FBXO25: variants seen among roughly 807,000 people sequenced by gnomAD.
FBXO25 encodes F-box only protein 25.
A neutral mutation model predicts 51.9 loss-of-function variants in FBXO25; 45 were observed. The ratio of observed to expected loss-of-function variants is 0.87; its 90% CI spans 0.68 to 1.11. FBXO25 has a LOEUF of 1.11. Among genes scored for constraint, FBXO25 ranks in the 50% most tolerant of loss-of-function variants. The probability of loss-of-function intolerance (pLI) is 0.00; values close to 1 mark genes in which losing one functional copy is unlikely to be tolerated. For missense variants in FBXO25, 507 were observed against 428.5 expected (o/e 1.18, Z -1.62); for synonymous variants, 199 against 151.0 (o/e 1.32, Z -2.33).
chr8:448,804 C>T (rs1356473716), intron 5 of FBXO25, among the ~76,000 whole-genome samples: 2 of 152,106 alleles, frequency 1.3e-5, no homozygotes, highest in Non-Finnish European at 2.9e-5. Context: ...GAAGAAGGAG[C>T]AAGATGAATG....
intron 4 of FBXO25, among the ~76,000 whole-genome samples, chr8:434,812 G>A (rs1798006629): frequency 6.6e-6 from 1 of 152,114 alleles, no homozygotes; most frequent in Non-Finnish European, 1.5e-5. Flanking sequence ...ATAGGATAAG[G>A]GTATATCATG....
chr8:448,682 C>T (rs574870906), intron 5 of FBXO25, among the ~76,000 whole-genome samples: 29 of 152,276 alleles, frequency 1.9e-4, no homozygotes, highest in African/African-American at 7.0e-4. Context: ...GAGTGGAGGG[C>T]AGAGGAGAAA....
intron 2 of FBXO25, among the ~76,000 whole-genome samples, chr8:422,920 G>A (rs1240038209): frequency 1.3e-5 from 2 of 152,118 alleles, no homozygotes; most frequent in African/African-American, 4.8e-5. Flanking sequence ...TCCCTGAACT[G>A]TACTTAAAAG....
rs1376001899 is a variant in FBXO25, at chr8:476,921, A to T, written c.*8117A>T. 1 of 152,060 alleles carries T rather than the reference A, an allele frequency of 6.6e-6. No homozygotes were observed. The highest frequency in any genetic ancestry group is 6.5e-5 in the Admixed American group (1 of 15,284). 9.4% of individuals were successfully genotyped at this position (152,060 alleles called of 1,614,324 possible). ...TTGACTTGAGATCTTAATTTGTTTA[A>T]TAGGTGTATTTACAGTTACAAATTT... On this transcript the variant is annotated 3_prime_UTR_variant, in exon 10 of 10. Transcript: ENST00000350302.
chr8:426,811 C>A (rs1797515195), intron 2 of FBXO25, among the ~76,000 whole-genome samples: 1 of 152,114 alleles, frequency 6.6e-6, no homozygotes, highest in African/African-American at 2.4e-5. Context: ...GTGGCTCCAC[C>A]TGGCCTTGGT....
intron 2 of FBXO25, among the ~76,000 whole-genome samples, chr8:419,195 A>G (rs1202323123): frequency 2.0e-5 from 3 of 151,762 alleles, no homozygotes; most frequent in Non-Finnish European, 2.9e-5. Flanking sequence ...CCCCGTCTCT[A>G]CTAAAAATAC....
intron 8 of FBXO25, among the ~76,000 whole-genome samples, chr8:460,402 T>C (rs1199546367): frequency 1.3e-5 from 2 of 151,920 alleles, no homozygotes; most frequent in East Asian, 3.9e-4. Flanking sequence ...AAACACAGCA[T>C]CAGAAAATAA....
chr8:421,580 G>C (rs997353197), intron 2 of FBXO25, among the ~76,000 whole-genome samples: 2 of 152,190 alleles, frequency 1.3e-5, no homozygotes, highest in African/African-American at 4.8e-5. Flanking sequence ...GGTTGGAGGT[G>C]TCAGCATGAA....
At chr8:462,510 T>C (rs1347787284) in intron 8 of FBXO25, among the ~76,000 whole-genome samples, 1 of 152,224 alleles carries the variant, frequency 6.6e-6, no homozygotes, top group African/African-American at 2.4e-5. Context: ...CATAACACAA[T>C]TTATTTGATT....
intron 2 of FBXO25, among the ~76,000 whole-genome samples, chr8:413,818 A>G (rs1381285463): frequency 1.3e-5 from 2 of 152,240 alleles, no homozygotes; most frequent in African/African-American, 4.8e-5. Flanking sequence ...CTTGTTGGCT[A>G]GAGCACTAGC....
At chr8:447,276 G>GA (rs1491329294) in intron 5 of FBXO25, among the ~76,000 whole-genome samples, 1 of 152,070 alleles carries the variant, frequency 6.6e-6, no homozygotes, top group Admixed American at 6.5e-5. Flanking sequence ...GCGGCTGGGG[G>GA]AGAGAGTGGT....
intron 2 of FBXO25, among the ~76,000 whole-genome samples, chr8:416,193 A>G (rs1179759563): frequency 6.6e-6 from 1 of 152,110 alleles, no homozygotes. Context: ...CCACAGCCCC[A>G]CTGTGTTTGC....
intron 8 of FBXO25, among the ~76,000 whole-genome samples, chr8:460,415 ATCTGTTCT>A: frequency 6.6e-6 from 1 of 152,312 alleles, no homozygotes; most frequent in Admixed American, 6.5e-5. Context: ...GAAAATAATG[ATCTGTTCT>A]TCAGGCCTCA....
At chr8:426,551 T>G (rs562137005) in intron 2 of FBXO25, among the ~76,000 whole-genome samples, 13 of 151,992 alleles carry the variant, frequency 8.6e-5, no homozygotes, top group African/African-American at 3.1e-4. Flanking sequence ...AGGTAGGGAG[T>G]GTGGTGGTCC....
intron 5 of FBXO25, among the ~76,000 whole-genome samples, chr8:447,821 C>G (rs1011958764): frequency 5.3e-5 from 8 of 152,146 alleles, no homozygotes; most frequent in African/African-American, 1.9e-4. Flanking sequence ...CATGTCCATG[C>G]TCAAAAAGTT....
chr8:409,153 G>A (rs192649063), intron 1 of FBXO25, among the ~76,000 whole-genome samples: 24 of 152,144 alleles, frequency 1.6e-4, no homozygotes, highest in African/African-American at 5.5e-4. Flanking sequence ...GACCCCAGAC[G>A]TTTTAAATTG....
chr8:443,521 G>A (rs1270304031), intron 5 of FBXO25, among the ~76,000 whole-genome samples: 1 of 151,534 alleles, frequency 6.6e-6, no homozygotes, highest in Non-Finnish European at 1.5e-5. Context: ...GAGTCAAAAT[G>A]GTTCCCAAGA....
intron 2 of FBXO25, among the ~76,000 whole-genome samples, chr8:413,789 T>C (rs1345200403): frequency 6.6e-6 from 1 of 152,228 alleles, no homozygotes; most frequent in African/African-American, 2.4e-5. Flanking sequence ...AAAAGTTACA[T>C]GCATCACGTT....
intron 7 of FBXO25, among the ~76,000 whole-genome samples, chr8:456,416 T>A (rs527842991): frequency 6.6e-6 from 1 of 152,178 alleles, no homozygotes; most frequent in South Asian, 2.1e-4. Flanking sequence ...TGCTAGACGA[T>A]AAAGATGGAA....
Sources: gnomAD v4.1 joint callset for allele counts (sites outside exome capture counted in the v4.1 genomes callset) on GRCh38, gnomAD v4.1.1 for gene constraint, MANE v1.5 for transcripts, NCBI Gene and HGNC (gene_info 2026-07-23, HGNC 2026-07-21) for gene names.